SETBP1: variants seen among roughly 807,000 people sequenced by gnomAD.
SETBP1 encodes the protein SET-binding protein.
In SETBP1, 9 loss-of-function variants were observed where a neutral mutation model predicts 101.0. The ratio of observed to expected loss-of-function variants is 0.09; its 90% CI spans 0.05 to 0.16. The LOEUF is 0.16. SETBP1 is among the 10% of genes least tolerant of loss of function. The pLI is 1.00. For synonymous variants in SETBP1, 818 were observed against 788.5 expected, an observed-to-expected ratio of 1.04 and a Z score of -0.63; for missense variants, 1,858 against 2,033.8, an observed-to-expected ratio of 0.91 and a Z score of 1.66.
intron 3 of SETBP1, among the ~76,000 whole-genome samples, chr18:44,917,531 C>T (rs1224107640): frequency 6.6e-6 from 1 of 152,194 alleles, no homozygotes; most frequent in African/African-American, 2.4e-5. Context: ...CTTTGTGGTT[C>T]TCTGATACAG....
intron 5 of SETBP1, among the ~76,000 whole-genome samples, chr18:45,045,480 A>G (rs2145526393): frequency 6.6e-6 from 1 of 152,316 alleles, no homozygotes; most frequent in Non-Finnish European, 1.5e-5. Context: ...AGTAGTGGAC[A>G]GCAAGCCGAA....
At chr18:44,746,677 G>A (rs1186412932) in intron 2 of SETBP1, among the ~76,000 whole-genome samples, 1 of 152,162 alleles carries the variant, frequency 6.6e-6, no homozygotes, top group Non-Finnish European at 1.5e-5. Context: ...TGTATATTCT[G>A]ACTCTTAACA....
chr18:44,680,844 G>A (rs1440375847), upstream of SETBP1: 1 of 147,866 alleles, frequency 6.8e-6, no homozygotes, highest in Non-Finnish European at 1.5e-5. Flanking sequence ...GGGGGAGGGG[G>A]TAAGGAAAGG....
chr18:44,967,037 T>A (rs894655104), intron 4 of SETBP1, among the ~76,000 whole-genome samples: 1 of 152,224 alleles, frequency 6.6e-6, no homozygotes, highest in Non-Finnish European at 1.5e-5. Flanking sequence ...AACAACAGAT[T>A]GGTATAGAAG....
At chr18:44,749,934 A>G (rs1007343294) in intron 2 of SETBP1, among the ~76,000 whole-genome samples, 2 of 150,774 alleles carry the variant, frequency 1.3e-5, no homozygotes, top group Admixed American at 6.6e-5. Context: ...TGAGCTCACA[A>G]TGAAGAAGGA....
chr18:44,919,233 G>T (rs2070519410), intron 3 of SETBP1, among the ~76,000 whole-genome samples: 1 of 152,154 alleles, frequency 6.6e-6, no homozygotes, highest in African/African-American at 2.4e-5. Context: ...TTCTGACTCT[G>T]CAGGTAGAAA....
At chr18:44,710,917 G>A (rs2069324751) in intron 2 of SETBP1, among the ~76,000 whole-genome samples, 1 of 152,188 alleles carries the variant, frequency 6.6e-6, no homozygotes, top group South Asian at 2.1e-4. Context: ...AGTGGCCAGA[G>A]GAAGAGGCTG....
intron 3 of SETBP1, chr18:44,876,685 C>T (rs1223041622): frequency 1.7e-5 from 26 of 1,524,620 alleles, no homozygotes; most frequent in Non-Finnish European, 2.3e-5. Context: ...GAACCCATTC[C>T]CCGCAAAACC....
In SETBP1 at chr18:44,949,864, A is replaced by C. The variant is rs1386248967; in HGVS notation, c.541-17A>C. 1 of 1,595,454 alleles carries C rather than the reference A, an allele frequency of 6.3e-7. No individual in the cohort carries two copies. Among genetic ancestry groups the C allele is most frequent in the East Asian group, 2.2e-5 (1 of 44,720 alleles). The stretch of plus-strand genomic sequence containing the variant: ...TCTCTCTCTGTCTCTCTCCCTCTCC[A>C]CTCCACCCACCCTTAGGCTTACGAG... On this transcript the variant is annotated splice_polypyrimidine_tract_variant and intron_variant, in intron 3 of 5. Transcript: ENST00000649279.
At chr18:44,730,264 C>G (rs9961360) in intron 2 of SETBP1, among the ~76,000 whole-genome samples, 52,822 of 152,002 alleles carry the variant, frequency 0.35, 9,310 homozygotes, top group Middle Eastern at 0.46. Context: ...GTCTATTCTA[C>G]ATAAGACAAA....
intron 4 of SETBP1, among the ~76,000 whole-genome samples, chr18:44,963,582 T>A (rs567756034): frequency 4.6e-5 from 7 of 152,256 alleles, no homozygotes; most frequent in African/African-American, 1.4e-4. Flanking sequence ...ATTCAAAAAC[T>A]TGCATTTTAA....
intron 2 of SETBP1, among the ~76,000 whole-genome samples, chr18:44,785,809 T>C (rs1325541944): frequency 6.6e-6 from 1 of 152,232 alleles, no homozygotes; most frequent in East Asian, 1.9e-4. Flanking sequence ...CTCTCTTATA[T>C]GTTGCCACTT....
At chr18:44,852,303 C>T (rs1686494196) in intron 2 of SETBP1, among the ~76,000 whole-genome samples, 1 of 152,196 alleles carries the variant, frequency 6.6e-6, no homozygotes, top group Admixed American at 6.5e-5. Flanking sequence ...CCTCAGTGCC[C>T]TCAGCCTCTT....
chr18:44,720,411 A>T (rs1165570090), intron 2 of SETBP1, among the ~76,000 whole-genome samples: 3 of 152,230 alleles, frequency 2.0e-5, no homozygotes, highest in Admixed American at 1.3e-4. Flanking sequence ...TGCTGTAGGT[A>T]TCCAACATAT....
chr18:44,749,831 C>CCATATGTGTT (rs1271153168), intron 2 of SETBP1, among the ~76,000 whole-genome samples: 1 of 152,152 alleles, frequency 6.6e-6, no homozygotes, highest in Non-Finnish European at 1.5e-5. Flanking sequence ...GTTGTTACAG[C>CCATATGTGTT]CATATGTGTT....
rs879262984 is a variant in SETBP1, at chr18:45,028,235, C to T, written c.4001-10250C>T. On this transcript the variant is annotated intron_variant, in intron 4 of 5. Transcript: ENST00000649279. ...TCCATGTGTTCTCATTGTTCAGTTC[C>T]CACCTATGAGTGAGAAAATGCAGTG... Among the ~76,000 whole-genome samples the T allele has an allele frequency of 9.0e-4, 133 of 148,134 alleles. 1 individual carries two copies. Among genetic ancestry groups the T allele is most frequent in the Non-Finnish European group, 1.3e-3 (89 of 67,428 alleles).
chr18:44,869,550 A>T, intron 3 of SETBP1: 2 of 370,824 alleles, frequency 5.4e-6, no homozygotes, highest in Non-Finnish European at 1.0e-5. Flanking sequence ...CGGAATGTTA[A>T]GTGTTGGGGA....
Position 44,701,421 on chromosome 18 carries a change from C to G in SETBP1, c.75C>G (p.Ala25=), listed in dbSNP as rs2069113448. The change falls in exon 2 of 6, where the codon GCC becomes GCG. Residue 25 remains alanine (A), a synonymous_variant. Transcript: ENST00000649279. ...GESDFLPVSS[A]KPPAAPGCAG... ...CAGACTTCCTGCCGGTCTCCTCAGC[C>G]AAGCCCCCAGCTGCTCCTGGCTGTG... The G allele has an allele frequency of 6.3e-7, 1 of 1,596,338 alleles. No homozygotes were observed. Among genetic ancestry groups the G allele is most frequent in the African/African-American group, 1.3e-5 (1 of 74,550 alleles).
chr18:44,702,081 AT>A (rs2069125639), intron 2 of SETBP1, among the ~76,000 whole-genome samples: 1 of 152,164 alleles, frequency 6.6e-6, no homozygotes, highest in Non-Finnish European at 1.5e-5. Flanking sequence ...TATTTTATAT[AT>A]TATATGTATT....
Sources: allele counts gnomAD v4.1 joint callset (sites outside exome capture counted in the v4.1 genomes callset), GRCh38; gene constraint gnomAD v4.1.1; transcripts MANE v1.5; gene names NCBI Gene and HGNC (gene_info 2026-07-23, HGNC 2026-07-21).